The following FMNL2 variants were observed in gnomAD, a reference collection of about 807,000 sequenced individuals.
FMNL2 encodes the protein formin-like protein 2.
FMNL2 carries 51 observed loss-of-function variants against 130.2 expected under a neutral mutation model. The ratio of observed to expected loss-of-function variants is 0.39; its 90% CI spans 0.31 to 0.49. The LOEUF (loss-of-function observed/expected upper bound fraction) is 0.49, where lower values mean the gene tolerates loss of function less well. Ranked by LOEUF, FMNL2 falls within the 20% of genes least tolerant of loss-of-function variation. FMNL2 has a pLI of 0.85. For synonymous variants in FMNL2, 465 were observed against 467.1 expected, an observed-to-expected ratio of 1.00 and a Z score of 0.06; for missense variants, 977 against 1,316.2, an observed-to-expected ratio of 0.74 and a Z score of 3.99.
chr2:152,525,194 CA>C (rs1164158373), intron 2 of FMNL2, among the ~76,000 whole-genome samples: 1 of 152,116 alleles, frequency 6.6e-6, no homozygotes, highest in Non-Finnish European at 1.5e-5. Flanking sequence ...GCCATTGAAG[CA>C]AAAATTATAG....
At chr2:152,398,418 A>T (rs1024664900) in intron 1 of FMNL2, among the ~76,000 whole-genome samples, 3 of 152,234 alleles carry the variant, frequency 2.0e-5, no homozygotes, top group Non-Finnish European at 2.9e-5. Context: ...AAGATGCTTT[A>T]TATATTGCTT....
intron 1 of FMNL2, among the ~76,000 whole-genome samples, chr2:152,491,059 G>T (rs1691158979): frequency 6.6e-6 from 1 of 152,160 alleles, no homozygotes; most frequent in Non-Finnish European, 1.5e-5. Flanking sequence ...AGCCCAGGTG[G>T]TTGGGTGATG....
intron 1 of FMNL2, among the ~76,000 whole-genome samples, chr2:152,342,568 T>C (rs1659185690): frequency 6.6e-6 from 1 of 152,206 alleles, no homozygotes; most frequent in Admixed American, 6.5e-5. Flanking sequence ...ACTTGAACAC[T>C]GGGGACAGAG....
rs901793600 is a variant in FMNL2, at chr2:152,372,412, T to G, written c.117+36692T>G. 2.0e-5 allele frequency among the ~76,000 whole-genome samples: 3 copies of G among 152,224 alleles called. No homozygotes were observed. In the South Asian group the frequency reaches 6.2e-4, roughly 31 times the overall value. On this transcript the variant is annotated intron_variant, in intron 1 of 25. Coordinates refer to ENST00000288670, the MANE Select transcript of FMNL2 (RefSeq NM_052905.4). ...TACATAAATTGCACAGCATGCACCA[T>G]AGGTGCATTCTTTATATGGTTCATG...
At chr2:152,389,749 G>A (rs1442087914) in intron 1 of FMNL2, among the ~76,000 whole-genome samples, 10 of 152,308 alleles carry the variant, frequency 6.6e-5, no homozygotes, top group Non-Finnish European at 1.3e-4. Flanking sequence ...CGAGGGCGGC[G>A]TGCAGGAGCT....
chr2:152,608,138 T>C (rs144522494), intron 10 of FMNL2, among the ~76,000 whole-genome samples: 1 of 152,252 alleles, frequency 6.6e-6, no homozygotes, highest in African/African-American at 2.4e-5. Context: ...CACCCAGATC[T>C]GTAGGCGTTG....
chr2:152,608,118 C>T (rs149326514), intron 10 of FMNL2, among the ~76,000 whole-genome samples: 7 of 152,152 alleles, frequency 4.6e-5, no homozygotes, highest in African/African-American at 1.4e-4. Context: ...AGAAGTTTTA[C>T]GCTTGAGTGC....
chr2:152,596,969 G>T (rs2105801199), intron 9 of FMNL2, among the ~76,000 whole-genome samples: 1 of 152,256 alleles, frequency 6.6e-6, no homozygotes, highest in South Asian at 2.1e-4. Context: ...TGCCTATATT[G>T]CACCTTGAAT....
chr2:152,533,291 G>C (rs1693809181), intron 2 of FMNL2, among the ~76,000 whole-genome samples: 2 of 151,918 alleles, frequency 1.3e-5, no homozygotes, highest in South Asian at 4.1e-4. Flanking sequence ...TCTATCATCT[G>C]TCTGTCTATC....
intron 1 of FMNL2, among the ~76,000 whole-genome samples, chr2:152,339,641 A>G (rs1471657944): frequency 1.3e-5 from 2 of 152,214 alleles, no homozygotes; most frequent in Admixed American, 6.5e-5. Context: ...CAGATTTAAA[A>G]TTATTAGGAA....
intron 15 of FMNL2, chr2:152,620,877 G>T (rs1364255003): frequency 1.1e-6 from 1 of 948,246 alleles, no homozygotes; most frequent in Non-Finnish European, 1.3e-6. Context: ...AGGGAAACAA[G>T]ATTCCAGTTC....
At chr2:152,629,770 G>A (rs748650425) in intron 19 of FMNL2, 46 bp downstream of exon 19, 34 of 1,603,722 alleles carry the variant, frequency 2.1e-5, no homozygotes, top group Middle Eastern at 3.3e-4. Context: ...CTTCAGCTGC[G>A]TTCAGTGCCT....
chr2:152,618,092 C>CAAGG (rs1699047482), intron 13 of FMNL2, among the ~76,000 whole-genome samples: 1 of 152,144 alleles, frequency 6.6e-6, no homozygotes, highest in African/African-American at 2.4e-5. Context: ...CAAGGCCCAG[C>CAAGG]AAGGAAGTTC....
intron 1 of FMNL2, among the ~76,000 whole-genome samples, chr2:152,480,987 A>C (rs767719816): frequency 5.3e-5 from 8 of 152,152 alleles, no homozygotes; most frequent in Non-Finnish European, 8.8e-5. Flanking sequence ...CATTCATTGG[A>C]TTTTGCAAGA....
rs528020140 is a variant in FMNL2, at chr2:152,648,625, A to AAATT, written c.*723_*726dup. ...AATGCAAGTGTATTTATTAGCATTA[A>AAATT]AATTAACATCTCAGTAATCAGCATT... On this transcript the variant is annotated 3_prime_UTR_variant, in exon 26 of 26. Transcript: ENST00000288670. 51 of 152,756 alleles carry AAATT rather than the reference A, an allele frequency of 3.3e-4. No homozygotes were observed. Among genetic ancestry groups the AAATT allele is most frequent in the African/African-American group, 1.2e-3 (50 of 41,560 alleles). The allele number at this position is 152,756 out of a possible 1,614,324, so 9.5% of individuals were successfully genotyped here.
At chr2:152,517,007 C>G (rs1692810596) in intron 1 of FMNL2, among the ~76,000 whole-genome samples, 1 of 151,412 alleles carries the variant, frequency 6.6e-6, no homozygotes, top group South Asian at 2.1e-4. Context: ...TGGATAAAAA[C>G]CAAAGTAGAG....
At chr2:152,462,067 T>A (rs183009347) in intron 1 of FMNL2, among the ~76,000 whole-genome samples, 1 of 152,262 alleles carries the variant, frequency 6.6e-6, no homozygotes, top group Non-Finnish European at 1.5e-5. Flanking sequence ...TGCTAATTTT[T>A]AAATTTTTTG....
chr2:152,439,865 T>G (rs959471519), intron 1 of FMNL2, among the ~76,000 whole-genome samples: 4 of 150,444 alleles, frequency 2.7e-5, no homozygotes, highest in African/African-American at 9.8e-5. Flanking sequence ...TCTCTGTAAA[T>G]TATAGCCATA....
chr2:152,361,135 C>T (rs554731111), intron 1 of FMNL2, among the ~76,000 whole-genome samples: 1 of 152,142 alleles, frequency 6.6e-6, no homozygotes, highest in South Asian at 2.1e-4. Flanking sequence ...CAGGTAAAAG[C>T]ATTTATATGG....
Sources: gnomAD v4.1 joint callset for allele counts (sites outside exome capture counted in the v4.1 genomes callset) on GRCh38, gnomAD v4.1.1 for gene constraint, MANE v1.5 for transcripts, NCBI Gene and HGNC (gene_info 2026-07-23, HGNC 2026-07-21) for gene names.